The following STK33 variants were observed in gnomAD, a reference collection of about 807,000 sequenced individuals.
STK33 encodes the protein serine/threonine-protein kinase 33.
Under a neutral mutation model 58.0 loss-of-function variants are expected in STK33, and 52 were observed. The ratio of observed to expected loss-of-function variants is 0.90; its 90% CI spans 0.72 to 1.13. The LOEUF (loss-of-function observed/expected upper bound fraction) is 1.13. Among genes scored for constraint, STK33 ranks in the 50% most tolerant of loss-of-function variants. The probability of loss-of-function intolerance (pLI) is 0.00; values close to 1 mark genes in which losing one functional copy is unlikely to be tolerated. For missense variants in STK33, 630 were observed against 604.2 expected, an observed-to-expected ratio of 1.04 and a Z score of -0.45; for synonymous variants, 215 against 200.1, an observed-to-expected ratio of 1.07 and a Z score of -0.63.
At chr11:8,470,126 T>C (rs1425187596) in intron 6 of STK33, among the ~76,000 whole-genome samples, 6 of 152,268 alleles carry the variant, frequency 3.9e-5, no homozygotes, top group African/African-American at 1.4e-4. Context: ...TACTCCTCTC[T>C]AGCTATGAAA....
the STK33 span, among the ~76,000 whole-genome samples, chr11:8,373,548 G>T: frequency 6.6e-6 from 1 of 152,154 alleles, no homozygotes; most frequent in Non-Finnish European, 1.5e-5. Flanking sequence ...TATGACAGCA[G>T]AAAAGTAGAA....
intron 1 of STK33, among the ~76,000 whole-genome samples, chr11:8,573,745 A>C (rs1339508346): frequency 6.6e-6 from 1 of 152,256 alleles, no homozygotes; most frequent in Non-Finnish European, 1.5e-5. Flanking sequence ...ACTATTACTT[A>C]GCAATAAAAA....
At chr11:8,384,848 G>A in the STK33 span, among the ~76,000 whole-genome samples, 12 of 152,106 alleles carry the variant, frequency 7.9e-5, no homozygotes, top group African/African-American at 2.7e-4. Context: ...ACCGGACTCC[G>A]CGCATTCATG....
chr11:8,512,740 A>C (rs1952439150), intron 1 of STK33, among the ~76,000 whole-genome samples: 1 of 152,136 alleles, frequency 6.6e-6, no homozygotes, highest in African/African-American at 2.4e-5. Context: ...TTCTTGCACA[A>C]GCTTGTTCCC....
chr11:8,541,453 A>G (rs562935210), intron 1 of STK33, among the ~76,000 whole-genome samples: 235 of 152,318 alleles, frequency 1.5e-3, no homozygotes, highest in African/African-American at 5.1e-3. Context: ...CTAACTTCAG[A>G]GAACTTAACA....
chr11:8,553,212 T>C (rs1956473645), intron 1 of STK33, among the ~76,000 whole-genome samples: 1 of 108,364 alleles, frequency 9.2e-6, no homozygotes, highest in Admixed American at 9.8e-5. Flanking sequence ...TATATATATA[T>C]ATATATATAT....
At chr11:8,567,079 G>A (rs995546941) in intron 1 of STK33, among the ~76,000 whole-genome samples, 10 of 152,128 alleles carry the variant, frequency 6.6e-5, no homozygotes, top group African/African-American at 2.2e-4. Flanking sequence ...GGTAGAGGTT[G>A]CAGTGATCCA....
intron 1 of STK33, among the ~76,000 whole-genome samples, chr11:8,535,350 G>T (rs1442621708): frequency 6.6e-6 from 1 of 151,954 alleles, no homozygotes; most frequent in African/African-American, 2.4e-5. Context: ...TTCAACAGGG[G>T]ACTAATATCC....
At chr11:8,425,252 C>T (rs1421008258) in intron 14 of STK33, among the ~76,000 whole-genome samples, 1 of 152,114 alleles carries the variant, frequency 6.6e-6, no homozygotes, top group Non-Finnish European at 1.5e-5. Flanking sequence ...AATCGTTTCC[C>T]CATTTCTTGT....
the STK33 span, among the ~76,000 whole-genome samples, chr11:8,372,567 T>G: frequency 6.6e-6 from 1 of 152,234 alleles, no homozygotes; most frequent in Non-Finnish European, 1.5e-5. Flanking sequence ...GTGGGGACAG[T>G]GAACCTTTGG....
At chr11:8,593,461 G>A (rs979410431) in intron 1 of STK33, among the ~76,000 whole-genome samples, 5 of 152,140 alleles carry the variant, frequency 3.3e-5, no homozygotes, top group African/African-American at 1.2e-4. Flanking sequence ...TCACAAAACA[G>A]CTTCACATAT....
At chr11:8,540,798 A>G (rs1955448182) in intron 1 of STK33, among the ~76,000 whole-genome samples, 2 of 152,176 alleles carry the variant, frequency 1.3e-5, no homozygotes, top group African/African-American at 4.8e-5. Context: ...CCAGATATGT[A>G]GGGTGAACAA....
chr11:8,368,774 AAAATAACTT>A, the STK33 span, among the ~76,000 whole-genome samples: 3,116 of 152,318 alleles, frequency 0.02, 92 homozygotes, highest in African/African-American at 0.063. Context: ...CTCAGGATCC[AAAATAACTT>A]ACCGCATTTC....
chr11:8,354,989 A>G, the STK33 span, among the ~76,000 whole-genome samples: 1 of 152,226 alleles, frequency 6.6e-6, no homozygotes, highest in African/African-American at 2.4e-5. Context: ...AGAAAAAAAG[A>G]GCAAAGCTGC....
chr11:8,420,982 G>GAA (rs962412279), intron 14 of STK33, among the ~76,000 whole-genome samples: 2 of 132,030 alleles, frequency 1.5e-5, no homozygotes, highest in African/African-American at 2.7e-5. Context: ...GGCCCTGTCT[G>GAA]AAAAAAAAAA....
At chr11:8,510,289 TG>T (rs1330944840) in intron 1 of STK33, among the ~76,000 whole-genome samples, 1 of 152,230 alleles carries the variant, frequency 6.6e-6, no homozygotes, top group Non-Finnish European at 1.5e-5. Flanking sequence ...GTTGGCTGTC[TG>T]TATATCTTCT....
chr11:8,587,469 A>G (rs932792000), intron 1 of STK33, among the ~76,000 whole-genome samples: 1 of 151,888 alleles, frequency 6.6e-6, no homozygotes, highest in Non-Finnish European at 1.5e-5. Context: ...GCACGCTTGA[A>G]CCTCTGGAAA....
At chr11:8,515,397 T>G (rs1270929264) in intron 1 of STK33, among the ~76,000 whole-genome samples, 1 of 152,186 alleles carries the variant, frequency 6.6e-6, no homozygotes, top group Non-Finnish European at 1.5e-5. Flanking sequence ...ATAACTAGTA[T>G]GGCAATTGAA....
chr11:8,458,994 C>A (rs1947205302), intron 8 of STK33, among the ~76,000 whole-genome samples: 1 of 152,132 alleles, frequency 6.6e-6, no homozygotes, highest in Admixed American at 6.5e-5. Context: ...AAATCTAACA[C>A]ATAAATAAGC....
Sources: allele counts gnomAD v4.1 joint callset (sites outside exome capture counted in the v4.1 genomes callset), GRCh38; gene constraint gnomAD v4.1.1; transcripts MANE v1.5; gene names NCBI Gene and HGNC (gene_info 2026-07-23, HGNC 2026-07-21).